The following DSCAML1 variants were observed in gnomAD, a reference collection of about 807,000 sequenced individuals.
The protein encoded by DSCAML1 is DS cell adhesion molecule like 1, also known as cell adhesion molecule DSCAML1.
Under a neutral mutation model 200.5 loss-of-function variants are expected in DSCAML1, and 38 were observed. That is an observed-to-expected ratio of 0.19 (90% confidence interval 0.15 to 0.25). The LOEUF is 0.25. DSCAML1 is among the 10% of genes least tolerant of loss of function. DSCAML1 has a pLI of 1.00. For synonymous variants in DSCAML1, 1,215 were observed against 1,165.0 expected (o/e 1.04, Z -0.87); for missense variants, 2,223 against 2,858.8 (o/e 0.78, Z 5.07).
At chr11:117,623,958 A>G (rs754734617) in intron 3 of DSCAML1, among the ~76,000 whole-genome samples, 4 of 152,212 alleles carry the variant, frequency 2.6e-5, no homozygotes, top group Admixed American at 6.5e-5. Flanking sequence ...GCATAAAAAC[A>G]TAGTTACAAT....
intron 27 of DSCAML1, among the ~76,000 whole-genome samples, chr11:117,434,792 TCATCCATC>T (rs572141989): frequency 4.0e-5 from 6 of 151,506 alleles, no homozygotes; most frequent in Non-Finnish European, 5.9e-5. Context: ...ATCCACCCAA[TCATCCATC>T]CATCCATCCA....
intron 3 of DSCAML1, among the ~76,000 whole-genome samples, chr11:117,553,026 T>A (rs2050496041): frequency 6.6e-6 from 1 of 152,316 alleles, no homozygotes; most frequent in African/African-American, 2.4e-5. Flanking sequence ...GGCAAAGTTG[T>A]CCATCACCGC....
intron 3 of DSCAML1, among the ~76,000 whole-genome samples, chr11:117,668,300 T>C (rs1427343055): frequency 6.6e-6 from 1 of 152,194 alleles, no homozygotes; most frequent in East Asian, 1.9e-4. Flanking sequence ...AGTGATGTCA[T>C]GCCTCCTATC....
At chr11:117,701,172 A>G (rs1165861575) in intron 3 of DSCAML1, among the ~76,000 whole-genome samples, 1 of 152,194 alleles carries the variant, frequency 6.6e-6, no homozygotes, top group African/African-American at 2.4e-5. Context: ...AGGCTGAGGC[A>G]GGAGAATTGC....
chr11:117,813,100 T>G (rs1403089126), intron 1 of DSCAML1, among the ~76,000 whole-genome samples: 1 of 152,082 alleles, frequency 6.6e-6, no homozygotes, highest in Non-Finnish European at 1.5e-5. Context: ...GCTCTTAGTA[T>G]TCAGTGACAG....
At chr11:117,500,036 C>T (rs937116617) in intron 11 of DSCAML1, among the ~76,000 whole-genome samples, 4 of 152,266 alleles carry the variant, frequency 2.6e-5, no homozygotes, top group Non-Finnish European at 4.4e-5. Context: ...CTGTCACTCT[C>T]TGCCAGACAC....
intron 3 of DSCAML1, among the ~76,000 whole-genome samples, chr11:117,738,867 C>T (rs1470420674): frequency 6.6e-6 from 1 of 152,178 alleles, no homozygotes; most frequent in East Asian, 1.9e-4. Context: ...TGCAGCAGTC[C>T]CTTTCCCTGC....
chr11:117,629,163 T>C (rs1410336325), intron 3 of DSCAML1, among the ~76,000 whole-genome samples: 1 of 151,920 alleles, frequency 6.6e-6, no homozygotes, highest in Non-Finnish European at 1.5e-5. Context: ...AAAAAAAAGA[T>C]GAAGAAGCTC....
chr11:117,565,982 T>A (rs2050749250), intron 3 of DSCAML1, among the ~76,000 whole-genome samples: 1 of 152,204 alleles, frequency 6.6e-6, no homozygotes, highest in Non-Finnish European at 1.5e-5. Flanking sequence ...CGTGACAAAG[T>A]GGGGCCTGAG....
intron 3 of DSCAML1, among the ~76,000 whole-genome samples, chr11:117,606,601 A>G (rs1181521205): frequency 3.9e-5 from 6 of 152,128 alleles, no homozygotes; most frequent in African/African-American, 1.4e-4. Flanking sequence ...CATTTTTCAA[A>G]AAGGCATCCT....
At chr11:117,444,120 C>T in intron 20 of DSCAML1, 81 bp from the exon 21 acceptor site, 1 of 1,487,148 alleles carries the variant, frequency 6.7e-7, no homozygotes, top group Non-Finnish European at 9.0e-7. Context: ...GCCCGGGGCT[C>T]AGAGGAGAGG....
In DSCAML1 at chr11:117,461,607, T is replaced by C. The variant is rs766415655; in HGVS notation, c.3266-11A>G. 3 of 1,607,664 alleles carry C rather than the reference T, an allele frequency of 1.9e-6. No homozygotes were observed. The highest frequency in any genetic ancestry group is 2.5e-6 in the Non-Finnish European group (3 of 1,179,178). On this transcript the variant is annotated splice_polypyrimidine_tract_variant and intron_variant, in intron 17 of 32. Transcript: ENST00000651296. ...GGGGCTGGCTGGGCACTGCAGGGGG[T>C]AGGGGGAGAACCAAGGGTCCAGTCA...
intron 1 of DSCAML1, among the ~76,000 whole-genome samples, chr11:117,791,790 G>A (rs565524725): frequency 4.6e-5 from 7 of 152,202 alleles, no homozygotes; most frequent in Non-Finnish European, 1.0e-4. Flanking sequence ...CTTAGGGAAG[G>A]ATCTGATGAT....
In DSCAML1 at chr11:117,561,933, T is replaced by A. The variant is rs538566114; in HGVS notation, c.512-29411A>T. ...GGCACCAATAGTCAACTGGTAGATGTGGCATGAATAAATGATTGCATACAG... is the reference window on the plus strand; with the variant it reads ...GGCACCAATAGTCAACTGGTAGATGAGGCATGAATAAATGATTGCATACAG... On this transcript the variant is annotated intron_variant, in intron 3 of 32. Transcript: ENST00000651296. 1.6e-4 allele frequency among the ~76,000 whole-genome samples: 24 copies of A among 152,290 alleles called. No individual in the cohort carries two copies. The South Asian group carries it at 5.0e-3, about 32-fold the overall frequency.
chr11:117,809,901 ACT>A (rs908005109), intron 1 of DSCAML1, among the ~76,000 whole-genome samples: 10 of 149,426 alleles, frequency 6.7e-5, no homozygotes, highest in Admixed American at 1.4e-4. Context: ...ACACCCACAC[ACT>A]CACACACACA....
At chr11:117,462,421 G>A (rs1565704121) in intron 17 of DSCAML1, among the ~76,000 whole-genome samples, 1 of 152,204 alleles carries the variant, frequency 6.6e-6, no homozygotes, top group African/African-American at 2.4e-5. Context: ...CTCAGCTCGG[G>A]GGAGCTTTGG....
At chr11:117,702,347 C>A (rs1002131365) in intron 3 of DSCAML1, among the ~76,000 whole-genome samples, 1 of 152,078 alleles carries the variant, frequency 6.6e-6, no homozygotes, top group African/African-American at 2.4e-5. Context: ...GAACATGATG[C>A]CTTCCTATGG....
intron 3 of DSCAML1, among the ~76,000 whole-genome samples, chr11:117,539,940 T>A (rs1290134521): frequency 6.6e-6 from 1 of 152,216 alleles, no homozygotes; most frequent in Non-Finnish European, 1.5e-5. Context: ...TATTATTCAG[T>A]CTTGAAAAAG....
chr11:117,729,464 G>A (rs980405977), intron 3 of DSCAML1, among the ~76,000 whole-genome samples: 3 of 152,110 alleles, frequency 2.0e-5, no homozygotes, highest in Non-Finnish European at 2.9e-5. Context: ...TCGAGAAAGT[G>A]CAAAAGACAC....
Sources: allele counts gnomAD v4.1 joint callset (sites outside exome capture counted in the v4.1 genomes callset), GRCh38; gene constraint gnomAD v4.1.1; transcripts MANE v1.5; gene names NCBI Gene and HGNC (gene_info 2026-07-23, HGNC 2026-07-21).